MTA3: variants seen among roughly 807,000 people sequenced by gnomAD.
MTA3 encodes metastasis associated 1 family member 3.
In MTA3, 34 loss-of-function variants were observed where a neutral mutation model predicts 83.5. That is an observed-to-expected ratio of 0.41 (90% CI 0.31 to 0.54). The LOEUF is 0.54. MTA3 is among the 20% of genes least tolerant of loss of function. The probability of loss-of-function intolerance (pLI) is 0.33; values close to 1 mark genes in which losing one functional copy is unlikely to be tolerated. For synonymous variants in MTA3, 303 were observed against 252.7 expected (o/e 1.20, Z -1.89); for missense variants, 761 against 726.4 (o/e 1.05, Z -0.55).
At chr2:42,747,197 G>A (rs1226405491) in intron 16 of MTA3, among the ~76,000 whole-genome samples, 1 of 151,818 alleles carries the variant, frequency 6.6e-6, no homozygotes, top group Non-Finnish European at 1.5e-5. Context: ...ACGGGGTCTC[G>A]CCATGTTGGC....
intron 4 of MTA3, among the ~76,000 whole-genome samples, chr2:42,622,029 G>A (rs1442867151): frequency 6.6e-6 from 1 of 152,066 alleles, no homozygotes; most frequent in Non-Finnish European, 1.5e-5. Flanking sequence ...CTGCAGTCTC[G>A]GCACTTTGGG....
At chr2:42,685,361 G>T (rs549973319) in intron 9 of MTA3, among the ~76,000 whole-genome samples, 3 of 152,130 alleles carry the variant, frequency 2.0e-5, no homozygotes, top group Non-Finnish European at 4.4e-5. Context: ...GGAAGATGAA[G>T]AAATAGACAT....
At chr2:42,628,738 C>G (rs1686373820) in intron 4 of MTA3, among the ~76,000 whole-genome samples, 1 of 147,330 alleles carries the variant, frequency 6.8e-6, no homozygotes, top group South Asian at 2.1e-4. Flanking sequence ...CTTTTTAAAA[C>G]TGAGTTATTG....
In MTA3 at chr2:42,753,458, A is replaced by G. The variant is rs1158972938; in HGVS notation, c.*59A>G. ...GCTGCACTGTCCTGCTGATGTTCAC[A>G]GCCGTGCCTGGGAAGAAGGCAGCCC... On this transcript the variant is annotated 3_prime_UTR_variant, in exon 17 of 17. Transcript: ENST00000405094. 6.5e-7 allele frequency: 1 copy of G among 1,549,852 alleles called. No individual in the cohort carries two copies. Among genetic ancestry groups the G allele is most frequent in the African/African-American group, 1.4e-5 (1 of 73,038 alleles).
At chr2:42,611,341 C>CACACACACGCACA (rs1462110821) in intron 4 of MTA3, among the ~76,000 whole-genome samples, 2 of 149,514 alleles carry the variant, frequency 1.3e-5, no homozygotes, top group Non-Finnish European at 3.0e-5. Flanking sequence ...ACACACACAC[C>CACACACACGCACA]CCCTCACACA....
intron 8 of MTA3, among the ~76,000 whole-genome samples, chr2:42,665,517 T>C (rs1690158699): frequency 6.6e-6 from 1 of 152,070 alleles, no homozygotes; most frequent in Non-Finnish European, 1.5e-5. Flanking sequence ...TGGCAGTGAG[T>C]TAGTTGATGG....
rs183119128 is a variant in MTA3 at position 42,735,573 on chromosome 2, C to G, written c.1759+12538C>G. Among the ~76,000 whole-genome samples the G allele has an allele frequency of 3.9e-3, 595 of 152,216 alleles. 4 individuals carry two copies. The highest frequency in any genetic ancestry group is 0.014 in the African/African-American group (568 of 41,554). On this transcript the variant is annotated intron_variant, in intron 16 of 16. Transcript: ENST00000405094. ...TTTCTACAATCTGTCCCTCTACTTC[C>G]TCTTTAAGAACAATAACTTTTAGAT...
rs1260528794 is a variant in MTA3, at chr2:42,722,947, A to C, written c.1671A>C (p.Pro557=). Residue 557 remains proline, a synonymous_variant, in exon 16 of 17, where the codon CCA becomes CCC. Transcript: ENST00000405094. ...GATCTACACCAAGCCTGCAAACCCC[A>C]ACTACCAAGCGGATGCTAACAACTC... ...VIRSTPSLQT[P]TTKRMLTTPN... 1 of 1,551,194 alleles carries C rather than the reference A, an allele frequency of 6.4e-7. No homozygotes were observed. The highest frequency in any genetic ancestry group is 8.7e-7 in the Non-Finnish European group (1 of 1,147,134).
chr2:42,716,945 C>T (rs996433265), intron 14 of MTA3, among the ~76,000 whole-genome samples: 1 of 152,004 alleles, frequency 6.6e-6, no homozygotes, highest in Admixed American at 6.6e-5. Flanking sequence ...TCCCATCAAC[C>T]GTGTATAGCA....
rs1395215146 is a variant in MTA3, at chr2:42,708,012, C to A, written c.1260C>A (p.Thr420=). The part of the protein sequence containing the change: ...WKKYGGLKMP[T]QSEEEKLSPS... ...AATATGGAGGCTTGAAAATGCCCAC[C>A]CAGTCAGAAGAAGAGAAGTTATCTC... The change falls in exon 13 of 17, where the codon ACC becomes ACA. Residue 420 remains threonine (T), a synonymous_variant. Transcript: ENST00000405094. 1.2e-6 allele frequency: 2 copies of A among 1,613,254 alleles called. No individual in the cohort carries two copies. Among genetic ancestry groups the A allele is most frequent in the East Asian group, 4.5e-5 (2 of 44,860 alleles).
chr2:42,661,988 T>G (rs902085864), intron 8 of MTA3, among the ~76,000 whole-genome samples: 3 of 152,186 alleles, frequency 2.0e-5, no homozygotes, highest in African/African-American at 7.2e-5. Context: ...GTCTGTGTTT[T>G]TATAGTTGTA....
intron 6 of MTA3, among the ~76,000 whole-genome samples, chr2:42,644,559 T>C (rs974866128): frequency 3.6e-4 from 55 of 152,284 alleles, no homozygotes; most frequent in African/African-American, 1.3e-3. Flanking sequence ...CTCATTTTAA[T>C]GTACTTTGTT....
At chr2:42,682,276 T>A (rs1371054240) in intron 8 of MTA3, 125 bp from the exon 9 acceptor site, 2 of 673,402 alleles carry the variant, frequency 3.0e-6, no homozygotes, top group Non-Finnish European at 4.5e-6. Context: ...TGTTTAAAAT[T>A]TTGTTAAAAA....
intron 2 of MTA3, among the ~76,000 whole-genome samples, chr2:42,516,204 C>T (rs980719376): frequency 6.6e-6 from 1 of 152,098 alleles, no homozygotes; most frequent in African/African-American, 2.4e-5. Flanking sequence ...CATGAGCCAC[C>T]GCTCCTGGCG....
intron 3 of MTA3, among the ~76,000 whole-genome samples, chr2:42,585,122 C>T (rs1680116627): frequency 6.6e-6 from 1 of 151,490 alleles, no homozygotes. Context: ...GAGTTTCGCT[C>T]TTGTTGCCTA....
chr2:42,536,664 C>T (rs1676252503), intron 2 of MTA3, among the ~76,000 whole-genome samples: 1 of 151,854 alleles, frequency 6.6e-6, no homozygotes, highest in African/African-American at 2.4e-5. Flanking sequence ...TGCAGGCCAT[C>T]CTGGCTAACA....
intron 2 of MTA3, chr2:42,532,846 C>A: frequency 2.6e-6 from 1 of 383,528 alleles, no homozygotes; most frequent in Non-Finnish European, 5.1e-6. Context: ...CTGGGTGGAG[C>A]TGGCTGGCAC....
intron 2 of MTA3, among the ~76,000 whole-genome samples, chr2:42,506,495 T>G (rs1173905178): frequency 6.6e-6 from 1 of 151,944 alleles, no homozygotes; most frequent in African/African-American, 2.4e-5. Context: ...AATAAAATGT[T>G]AACACCTTGG....
intron 2 of MTA3, among the ~76,000 whole-genome samples, chr2:42,513,632 GA>G (rs750668302): frequency 1.3e-4 from 20 of 152,330 alleles, no homozygotes; most frequent in Admixed American, 7.8e-4. Context: ...ATAGGACAGA[GA>G]AAAGGGTAGA....
Sources: allele counts gnomAD v4.1 joint callset (sites outside exome capture counted in the v4.1 genomes callset), GRCh38; gene constraint gnomAD v4.1.1; transcripts MANE v1.5; gene names NCBI Gene and HGNC (gene_info 2026-07-23, HGNC 2026-07-21).